Variants in SEPTIN12 observed in about 807,000 individuals in gnomAD.
SEPTIN12 encodes septin-12.
SEPTIN12 carries 42 observed loss-of-function variants against 37.7 expected under a neutral mutation model. The observed-to-expected ratio is 1.11, with a 90% CI of 0.87 to 1.44. The LOEUF is 1.44. Ranked by LOEUF, SEPTIN12 falls within the 40% of genes most tolerant of loss-of-function variation. The pLI, the probability that SEPTIN12 is intolerant of heterozygous loss-of-function variation, is 0.00. For missense variants in SEPTIN12, 613 were observed against 479.2 expected, an observed-to-expected ratio of 1.28 and a Z score of -2.61; for synonymous variants, 254 against 196.7, an observed-to-expected ratio of 1.29 and a Z score of -2.44.
At chr16:4,786,993 G>C (rs2082463008) in intron 2 of SEPTIN12, among the ~76,000 whole-genome samples, 1 of 151,744 alleles carries the variant, frequency 6.6e-6, no homozygotes, top group African/African-American at 2.4e-5. Flanking sequence ...TCCTGCCTTA[G>C]CCTCCTAAGT....
upstream of SEPTIN12, among the ~76,000 whole-genome samples, chr16:4,791,091 T>A (rs1473074717): frequency 6.6e-6 from 1 of 152,186 alleles, no homozygotes; most frequent in African/African-American, 2.4e-5. Context: ...CCTAAGGAAA[T>A]GCGCCTCTGT....
chr16:4,785,977 C>CA lies in SEPTIN12; in HGVS notation c.292+2dup. On this transcript the variant is annotated splice_region_variant and intron_variant, in intron 3 of 9. Transcript: ENST00000268231. ...GGTGAGGTGTGGGCAGGGGCTCACT[C>CA]ACCATGGGTCAGTGAATGCAGCTGC... is the stretch of plus-strand genomic sequence containing the variant. The CA allele has an allele frequency of 6.2e-7, 1 of 1,612,410 alleles. No homozygotes were observed. Among genetic ancestry groups the CA allele is most frequent in the Non-Finnish European group, 8.5e-7 (1 of 1,178,978 alleles).
chr16:4,785,625 A>C (rs2082428710), intron 4 of SEPTIN12, 182 bp downstream of exon 4: 1 of 577,360 alleles, frequency 1.7e-6, no homozygotes, highest in South Asian at 2.1e-5. Flanking sequence ...AATACAAAAA[A>C]AATTAGCTGG....
intron 4 of SEPTIN12, 121 bp from the exon 5 acceptor site, chr16:4,784,189 G>A (rs2082408082): frequency 3.5e-6 from 4 of 1,136,174 alleles, no homozygotes; most frequent in Non-Finnish European, 5.1e-6. Flanking sequence ...GTTGGCCCGG[G>A]ACCTGTGGGT....
chr16:4,779,741 C>G lies in SEPTIN12; in HGVS notation c.772G>C (p.Val258Leu), dbSNP rs933103389. ...AVVGADQEHLVNGRCVLGRKT... is the reference protein window; with the variant it reads ...AVVGADQEHLLNGRCVLGRKT... ...CGGCCCAGGACACACCTCCCGTTCA[C>G]CAGGTGCTCTTGGTCAGCCCCTACC... Residue 258 changes from valine (V) to leucine (L), a missense_variant, in exon 8 of 10, where the codon GTG becomes CTG. By Grantham distance (32) the Val-to-Leu change is conservative. Coordinates refer to ENST00000268231, the MANE Select transcript of SEPTIN12 (RefSeq NM_144605.5). The G allele has an allele frequency of 3.1e-6, 5 of 1,613,944 alleles. No individual in the cohort carries two copies. In the Admixed American group the frequency reaches 8.3e-5, roughly 27 times the overall value.
intron 7 of SEPTIN12, among the ~76,000 whole-genome samples, chr16:4,782,371 T>C (rs1373631462): frequency 6.6e-6 from 1 of 152,198 alleles, no homozygotes; most frequent in Non-Finnish European, 1.5e-5. Flanking sequence ...TTGGGTTGCT[T>C]CCACTTTCGG....
Position 4,783,483 on chromosome 16 carries a change from T to G in SEPTIN12, c.705A>C (p.Lys235Asn), listed in dbSNP as rs1353769659. 6.2e-7 allele frequency: 1 copy of G among 1,613,926 alleles called. No homozygotes were observed. The highest frequency in any genetic ancestry group is 2.2e-5 in the East Asian group (1 of 44,882). The change falls in exon 7 of 10, where the codon AAA becomes AAC. Residue 235 changes from lysine to asparagine, a missense_variant. Lys to Asn is a moderately conservative substitution (Grantham distance 94, BLOSUM62 0). Transcript: ENST00000268231. Reference sequence around the variant, plus strand: ...TCACCCGTAACTTGCTGTTGAGGATTTTGTCATTGATGTCCTCGTCAAAGC... The same window carrying G: ...TCACCCGTAACTTGCTGTTGAGGATGTTGTCATTGATGTCCTCGTCAAAGC... ...QMCFDEDIND[K>N]ILNSKLRDRI... is the part of the protein sequence containing the mutation.
intron 7 of SEPTIN12, 102 bp from the exon 8 acceptor site, chr16:4,779,888 C>T (rs1015295900): frequency 1.8e-5 from 14 of 756,774 alleles, no homozygotes; most frequent in East Asian, 5.2e-5. Flanking sequence ...CTATCCTTTT[C>T]GAGGAGGGAA....
chr16:4,780,694 T>C (rs2082362975), intron 7 of SEPTIN12, among the ~76,000 whole-genome samples: 1 of 152,122 alleles, frequency 6.6e-6, no homozygotes, highest in Admixed American at 6.6e-5. Context: ...TGGATGTTGA[T>C]AATATTGGGC....
intron 8 of SEPTIN12, among the ~76,000 whole-genome samples, 172 bp from the exon 9 acceptor site, chr16:4,778,309 G>A (rs2082335935): frequency 6.6e-6 from 1 of 152,164 alleles, no homozygotes; most frequent in South Asian, 2.1e-4. Flanking sequence ...TGTGTTCCCA[G>A]TGCCTGGTAC....
At chr16:4,785,672 G>C (rs889412505) in intron 4 of SEPTIN12, 135 bp downstream of exon 4, 15 of 660,182 alleles carry the variant, frequency 2.3e-5, no homozygotes, top group Non-Finnish European at 3.4e-5. Context: ...AGCTACTTCG[G>C]GAGGCTGAGG....
upstream of SEPTIN12, chr16:4,790,065 G>T (rs1484703099): frequency 6.6e-6 from 1 of 151,856 alleles, no homozygotes; most frequent in Non-Finnish European, 1.5e-5. Flanking sequence ...CAGGTACGTA[G>T]ACCATGCTGG....
At position 4,778,079 on chromosome 16, in the gene SEPTIN12, C is replaced by T; in HGVS notation, c.875+7G>A. The T allele has an allele frequency of 6.2e-7, 1 of 1,614,102 alleles. No individual in the cohort carries two copies. The highest frequency in any genetic ancestry group is 8.5e-7 in the Non-Finnish European group (1 of 1,179,986). ...GCCCCCTAGCCCCAGGCTCCCCACA[C>T]CCTCACCGGATAAGCAGGTCTCTCA... is the stretch of plus-strand genomic sequence containing the variant. On this transcript the variant is annotated splice_region_variant and intron_variant, in intron 9 of 9. Coordinates refer to ENST00000268231, the MANE Select transcript of SEPTIN12 (RefSeq NM_144605.5).
In SEPTIN12 at chr16:4,783,668, C is replaced by A. The variant is rs140969211; in HGVS notation, c.611G>T (p.Arg204Leu). ...ARADSLTMEE[R>L]EAFRRRIQQN... ...GATCACCCTGCGCCTGAAGGCCTCT[C>A]GCTCCTCCATGGTCAGGCTGTCGGC... Residue 204 changes from arginine to leucine, a missense_variant, in exon 6 of 10, where the codon CGA becomes CTA. Arg to Leu is a moderately radical substitution (Grantham distance 102). Coordinates refer to ENST00000268231, the MANE Select transcript of SEPTIN12 (RefSeq NM_144605.5). 2.5e-6 allele frequency: 4 copies of A among 1,613,962 alleles called. No individual in the cohort carries two copies. The Admixed American group carries it at 5.0e-5, about 20-fold the overall frequency.
chr16:4,779,089 G>A (rs1200882798), intron 8 of SEPTIN12, among the ~76,000 whole-genome samples: 1 of 152,096 alleles, frequency 6.6e-6, no homozygotes, highest in African/African-American at 2.4e-5. Flanking sequence ...AGTGAGCCGA[G>A]ATCACGCCAC....
chr16:4,786,582 C>G (rs946832508), intron 2 of SEPTIN12, among the ~76,000 whole-genome samples: 1 of 151,852 alleles, frequency 6.6e-6, no homozygotes, highest in Non-Finnish European at 1.5e-5. Context: ...GTCTTGATTT[C>G]CTGACCTCAT....
At chr16:4,787,422 G>T in intron 2 of SEPTIN12, 58 bp downstream of exon 2, 3 of 1,532,846 alleles carry the variant, frequency 2.0e-6, no homozygotes, top group Non-Finnish European at 2.7e-6. Context: ...GAGGCCACAC[G>T]CCCAGGCACG....
intron 2 of SEPTIN12, among the ~76,000 whole-genome samples, chr16:4,786,532 T>C (rs2082451371): frequency 6.6e-6 from 1 of 151,934 alleles, no homozygotes; most frequent in Non-Finnish European, 1.5e-5. Context: ...TTTTTTTGTA[T>C]TTTTAGTAGA....
At chr16:4,779,364 G>C (rs9936688) in intron 8 of SEPTIN12, among the ~76,000 whole-genome samples, 5,859 of 152,164 alleles carry the variant, frequency 0.039, 366 homozygotes, top group African/African-American at 0.13. Context: ...AGCGGTGCCT[G>C]ATACACAGTA....
Sources: gnomAD v4.1 joint callset for allele counts (sites outside exome capture counted in the v4.1 genomes callset) on GRCh38, gnomAD v4.1.1 for gene constraint, MANE v1.5 for transcripts, NCBI Gene and HGNC (gene_info 2026-07-23, HGNC 2026-07-21) for gene names.